DST: variants seen among roughly 807,000 people sequenced by gnomAD.
DST encodes bullous pemphigoid antigen.
In DST, 253 loss-of-function variants were observed where a neutral mutation model predicts 875.2. The observed-to-expected ratio is 0.29, with a 90% CI of 0.26 to 0.32. DST has a LOEUF of 0.32. Among genes scored for constraint, DST ranks in the 10% least tolerant of loss-of-function variants. DST has a pLI of 1.00. For synonymous variants in DST, 3,124 were observed against 3,197.1 expected, an observed-to-expected ratio of 0.98 and a Z score of 0.77; for missense variants, 8,287 against 9,111.6, an observed-to-expected ratio of 0.91 and a Z score of 3.68.
At position 56,639,982 on chromosome 6, in the gene DST, G is replaced by A; in HGVS notation, c.2566C>T (p.His856Tyr). Residue 856 changes from histidine to tyrosine, a missense_variant, in exon 19 of 104, where the codon CAT (histidine) becomes TAT (tyrosine). By Grantham distance (83) the His-to-Tyr change is moderately conservative. Transcript: ENST00000680361. ...ESHLENHKNV[H>Y]RAIEEFESSL... ...GATTCAAATTCTTCAATAGCTCTAT[G>A]AACATTTTTATGATTTTCTAAATGG... 1 of 1,613,722 alleles carries A rather than the reference G, an allele frequency of 6.2e-7. No individual in the cohort carries two copies. Among genetic ancestry groups the A allele is most frequent in the South Asian group, 1.1e-5 (1 of 91,042 alleles).
intron 9 of DST, chr6:56,692,608 T>C (rs2099238265): frequency 7.8e-7 from 1 of 1,289,688 alleles, no homozygotes; most frequent in Non-Finnish European, 1.0e-6. Context: ...GCTGGCTGCC[T>C]TTCGGAAAGA....
In DST at chr6:56,592,357, C is replaced by G. The variant is rs2098292209; in HGVS notation, c.12728G>C (p.Cys4243Ser). Residue 4243 changes from cysteine to serine, a missense_variant and splice_region_variant, in exon 49 of 104, where the codon TGC becomes TCC. Transcript: ENST00000680361. ...TDRFRSLYSK[C>S]NVLGNNLKDL... The stretch of plus-strand genomic sequence containing the variant: ...TTTAAGATTATTTCCAAGAACATTG[C>G]ACTAACAATCAAAAGAGAAAAGGGG... 1 of 1,584,626 alleles carries G rather than the reference C, an allele frequency of 6.3e-7. No homozygotes were observed. The highest frequency in any genetic ancestry group is 1.3e-5 in the African/African-American group (1 of 74,420).
intron 63 of DST, 118 bp downstream of exon 63, chr6:56,535,004 C>G: frequency 8.6e-7 from 1 of 1,168,368 alleles, no homozygotes; most frequent in Non-Finnish European, 1.2e-6. Context: ...ATAATGTCTA[C>G]AGCAGCAACA....
rs146491299 is a variant in DST, at chr6:56,641,732, T to C, written c.2027+215A>G. ...AACGAGTTAGTTACTGCAGCAGTAT[T>C]ATACGCACCATAAAATATTTTTTCT... On this transcript the variant is annotated intron_variant, in intron 17 of 103. Transcript: ENST00000680361. Among the ~76,000 whole-genome samples, 500 of 152,338 alleles carry C rather than the reference T, an allele frequency of 3.3e-3. 2 individuals carry two copies. Among genetic ancestry groups the C allele is most frequent in the African/African-American group, 0.011 (476 of 41,568 alleles).
At chr6:56,897,929 C>G (rs1792236069) in intron 3 of DST, among the ~76,000 whole-genome samples, 1 of 152,154 alleles carries the variant, frequency 6.6e-6, no homozygotes, top group South Asian at 2.1e-4. Context: ...CTCTTCCTAC[C>G]AGGATCAATT....
At chr6:56,877,300 C>A (rs539890424) in intron 3 of DST, among the ~76,000 whole-genome samples, 46 of 152,350 alleles carry the variant, frequency 3.0e-4, no homozygotes, top group South Asian at 1.2e-3. Flanking sequence ...CGCCTGTAAT[C>A]CCAGCACTTT....
intron 10 of DST, among the ~76,000 whole-genome samples, chr6:56,655,942 C>T (rs2099005627): frequency 6.6e-6 from 1 of 152,202 alleles, no homozygotes; most frequent in South Asian, 2.1e-4. Flanking sequence ...TGTGTTTTGT[C>T]CATGTTTATA....
At chr6:56,636,332 ATATG>A (rs1251235927) in intron 23 of DST, among the ~76,000 whole-genome samples, 6 of 150,710 alleles carry the variant, frequency 4.0e-5, no homozygotes, top group Admixed American at 1.3e-4. Context: ...ATATGTGTAT[ATATG>A]TATATGTATG....
Position 56,785,429 on chromosome 6 carries a change from G to A in DST, c.626-50140C>T, listed in dbSNP as rs1311296076. 2.0e-5 allele frequency among the ~76,000 whole-genome samples: 3 copies of A among 152,124 alleles called. No homozygotes were observed. The South Asian group carries it at 6.2e-4, about 32-fold the overall frequency. On this transcript the variant is annotated intron_variant, in intron 4 of 103. Transcript: ENST00000680361. Reference sequence around the variant, plus strand: ...CCTGGGCAATGGCAGGCGCCCCTCCGCCAGCCTCGCTGCCGCCTTGCAGTT... The same window carrying A: ...CCTGGGCAATGGCAGGCGCCCCTCCACCAGCCTCGCTGCCGCCTTGCAGTT...
intron 72 of DST, among the ~76,000 whole-genome samples, chr6:56,511,810 T>C (rs188948559): frequency 1.3e-5 from 2 of 150,872 alleles, no homozygotes; most frequent in East Asian, 3.9e-4. Flanking sequence ...TCATGATATA[T>C]ACAAAAATAG....
At position 56,954,721 on chromosome 6, in the gene DST, C is replaced by G; in HGVS notation, c.-134G>C. 5.0e-6 allele frequency: 2 copies of G among 400,448 alleles called. No homozygotes were observed. The highest frequency in any genetic ancestry group is 7.0e-6 in the Non-Finnish European group (2 of 286,998). 24.8% of individuals were successfully genotyped at this position (400,448 alleles called of 1,614,324 possible). A position where few individuals can be genotyped will look rare whatever the true frequency, so the allele number is the denominator to read the frequency against. On this transcript the variant is annotated 5_prime_UTR_variant, in exon 1 of 104. Coordinates refer to ENST00000680361, the MANE Select transcript of DST (RefSeq NM_001374736.1). ...GCGTCATGCCTGGCGCTCGCGGCCCCGCGCCCAGCCCAATGGCTGCGCACC... is the reference window on the plus strand; with the variant it reads ...GCGTCATGCCTGGCGCTCGCGGCCCGGCGCCCAGCCCAATGGCTGCGCACC...
intron 62 of DST, 66 bp from the exon 63 acceptor site, chr6:56,535,358 T>C (rs2096975349): frequency 6.8e-7 from 1 of 1,476,094 alleles, no homozygotes; most frequent in African/African-American, 1.5e-5. Flanking sequence ...TGAGCACAAA[T>C]CACTATTTTA....
chr6:56,735,234 G>A lies in DST; in HGVS notation c.681C>T (p.Leu227=), dbSNP rs113032229. The change falls in exon 5 of 104, where the codon CTC becomes CTT. Residue 227 remains leucine (L), a synonymous_variant. Transcript: ENST00000680361. ...KTFTKWINQH[L]MKVRKHVNDL... ...GAACGAAATAAAAACTGACCTTCATGAGATGCTGATTTATCCATTTTGTAA... is the reference window on the plus strand; with the variant it reads ...GAACGAAATAAAAACTGACCTTCATAAGATGCTGATTTATCCATTTTGTAA... 606 of 1,549,090 alleles carry A rather than the reference G, an allele frequency of 3.9e-4. 1 individual carries two copies. In the African/African-American group the frequency reaches 7.3e-3, roughly 19 times the overall value.
intron 10 of DST, among the ~76,000 whole-genome samples, chr6:56,659,569 A>C (rs1241862941): frequency 6.6e-6 from 1 of 152,202 alleles, no homozygotes. Flanking sequence ...CCATGACCCA[A>C]GAATAAGTGT....
chr6:56,700,044 G>C (rs1415589325), intron 8 of DST, among the ~76,000 whole-genome samples: 1 of 152,130 alleles, frequency 6.6e-6, no homozygotes, highest in Admixed American at 6.5e-5. Context: ...GGTTAGCAGC[G>C]GCCCAGGAAG....
intron 5 of DST, among the ~76,000 whole-genome samples, chr6:56,727,244 A>T (rs1026031968): frequency 1.3e-5 from 2 of 152,188 alleles, no homozygotes; most frequent in African/African-American, 4.8e-5. Flanking sequence ...ACCTTTCTGG[A>T]CTGAACCAAT....
intron 4 of DST, among the ~76,000 whole-genome samples, chr6:56,755,562 G>A (rs541707301): frequency 2.6e-5 from 4 of 152,212 alleles, no homozygotes; most frequent in South Asian, 4.1e-4. Context: ...CACTGATCTC[G>A]TAATCAAGGC....
At chr6:56,949,998 G>T (rs1318696356) in intron 2 of DST, among the ~76,000 whole-genome samples, 2 of 152,122 alleles carry the variant, frequency 1.3e-5, no homozygotes, top group African/African-American at 4.8e-5. Flanking sequence ...TAAAGGATTT[G>T]CCAGTTCAGT....
At chr6:56,948,333 TG>T (rs1313664155) in intron 2 of DST, among the ~76,000 whole-genome samples, 2 of 152,202 alleles carry the variant, frequency 1.3e-5, no homozygotes, top group African/African-American at 4.8e-5. Flanking sequence ...TCTTGCACTA[TG>T]GGGCCATTAT....
Sources: gnomAD v4.1 joint callset for allele counts (sites outside exome capture counted in the v4.1 genomes callset) on GRCh38, gnomAD v4.1.1 for gene constraint, MANE v1.5 for transcripts, NCBI Gene and HGNC (gene_info 2026-07-23, HGNC 2026-07-21) for gene names.